The following PLD4 variants were observed in gnomAD, a reference collection of about 807,000 sequenced individuals.
PLD4 encodes the protein 5'-3' exonuclease PLD4.
PLD4 carries 54 observed loss-of-function variants against 52.3 expected under a neutral mutation model. The ratio of observed to expected loss-of-function variants is 1.03; its 90% CI spans 0.83 to 1.30. The LOEUF is 1.30. PLD4 is among the 50% of genes most tolerant of loss of function. PLD4 has a pLI of 0.00. For synonymous variants in PLD4, 264 were observed against 286.5 expected (o/e 0.92, Z 0.79); for missense variants, 731 against 671.1 (o/e 1.09, Z -0.99).
rs779560333 is a variant in PLD4, at chr14:104,932,188, G to A, written c.1224+11G>A. On this transcript the variant is annotated intron_variant, in intron 9 of 10. Coordinates refer to ENST00000392593, the MANE Select transcript of PLD4 (RefSeq NM_138790.5). This position sits in a 1 kb window ranked among gnomAD's most constrained non-coding sequence, Gnocchi z 6.5. The stretch of plus-strand genomic sequence containing the variant: ...GTCTCTGTGGACGTGGTGAGGGCGT[G>A]CTCCCGGCCGGGCGTGGGAAAGGCG... 1 of 1,611,748 alleles carries A rather than the reference G, an allele frequency of 6.2e-7. No homozygotes were observed.
intron 2 of PLD4, 45 bp downstream of exon 2, chr14:104,927,275 C>T: frequency 6.9e-7 from 1 of 1,447,794 alleles, no homozygotes; most frequent in Non-Finnish European, 9.3e-7. Flanking sequence ...GGATCAATGG[C>T]CTTTCAAGAG....
downstream of PLD4, chr14:104,936,908 G>A (rs1897823606): frequency 6.6e-6 from 1 of 152,252 alleles, no homozygotes; most frequent in Non-Finnish European, 1.5e-5. Context: ...CTGTGGTGAA[G>A]GAAGCTTCTG....
chr14:104,932,149 AC>A lies in PLD4; in HGVS notation c.1200del (p.Ala401ArgfsTer8). 6.2e-7 allele frequency: 1 copy of A among 1,611,148 alleles called. No homozygotes were observed. The highest frequency in any genetic ancestry group is 8.5e-7 in the Non-Finnish European group (1 of 1,179,120). On this transcript the variant is annotated frameshift_variant, in exon 9 of 11. Coordinates refer to ENST00000392593, the MANE Select transcript of PLD4 (RefSeq NM_138790.5). LOFTEE classifies it high-confidence loss of function. This position sits in a 1 kb window ranked among gnomAD's most constrained non-coding sequence, Gnocchi z 6.5. ...CTGCGGTCCCTGCAGGCGCTCAGCA[AC>A]CCCGCGGCCAACGTCTCTGTGGACG... ...PYLRSLQALSNPAANVSVDVK... is the reference protein window; with the variant it reads ...PYLRSLQALSXPAANVSVDVK...
Position 104,925,384 on chromosome 14 carries a change from G to T in PLD4, c.-1+394G>T, listed in dbSNP as rs148328925. On this transcript the variant is annotated intron_variant, in intron 1 of 10. Coordinates refer to ENST00000392593, the MANE Select transcript of PLD4 (RefSeq NM_138790.5). ...CCAACCTGGCTGGCGGTCCTCCCAG[G>T]TTCCATTGCAGGAGGAGGTGGTGAG... 2.4e-3 allele frequency among the ~76,000 whole-genome samples: 372 copies of T among 152,332 alleles called. 3 individuals carry two copies. In the Middle Eastern group the frequency reaches 0.037, roughly 15 times the overall value.
Position 104,932,486 on chromosome 14 carries a change from T to G in PLD4, c.1321+131T>G. The stretch of plus-strand genomic sequence containing the variant: ...CTGCTGAAGGGGGACGGGGTCTCCA[T>G]GGAGTTCCGGGGACCAGGCCACCCG... On this transcript the variant is annotated intron_variant, in intron 10 of 10. Transcript: ENST00000392593. The surrounding 1 kb of genome is among the most constrained non-coding windows in gnomAD (Gnocchi z 6.5). The G allele has an allele frequency of 9.2e-7, 1 of 1,088,568 alleles. No individual in the cohort carries two copies. Among genetic ancestry groups the G allele is most frequent in the Non-Finnish European group, 1.3e-6 (1 of 759,352 alleles). The allele number at this position is 1,088,568 out of a possible 1,614,324, so 67.4% of individuals were successfully genotyped here.
chr14:104,928,994 A>C (rs1897551649), intron 4 of PLD4, 62 bp downstream of exon 4: 1 of 1,537,418 alleles, frequency 6.5e-7, no homozygotes, highest in African/African-American at 1.4e-5. Context: ...CAGGCTGCCT[A>C]TCTATGCAGG....
Position 104,932,966 on chromosome 14 carries a change from G to A in PLD4, c.*2G>A, listed in dbSNP as rs758665101. 1.3e-6 allele frequency: 2 copies of A among 1,575,718 alleles called. No individual in the cohort carries two copies. Among genetic ancestry groups the A allele is most frequent in the Non-Finnish European group, 1.7e-6 (2 of 1,163,152 alleles). Reference sequence around the variant, plus strand: ...CAGGACTGCGTTTGGCAGGGCTGAGGGGGGCCTCTTTTTCTCTCGGCGACC... The same window carrying A: ...CAGGACTGCGTTTGGCAGGGCTGAGAGGGGCCTCTTTTTCTCTCGGCGACC... On this transcript the variant is annotated 3_prime_UTR_variant, in exon 11 of 11. Coordinates refer to ENST00000392593, the MANE Select transcript of PLD4 (RefSeq NM_138790.5). This position sits in a 1 kb window ranked among gnomAD's most constrained non-coding sequence, Gnocchi z 6.5.
At position 104,932,619 on chromosome 14, in the gene PLD4, G is replaced by A. The variant is rs537356130; in HGVS notation, c.1322-146G>A. The A allele has an allele frequency of 9.0e-5, 82 of 913,424 alleles. No individual in the cohort carries two copies. The African/African-American group carries it at 1.3e-3, about 15-fold the overall frequency. 56.6% of individuals were successfully genotyped at this position (913,424 alleles called of 1,614,324 possible). A position where few individuals can be genotyped will look rare whatever the true frequency, so the allele number is the denominator to read the frequency against. The stretch of plus-strand genomic sequence containing the variant: ...CCAGCTGTCCCTCCCGCACCTAAGC[G>A]AGGGGCTTCCCCGGCTGGAGTCTGA... On this transcript the variant is annotated intron_variant, in intron 10 of 10. Coordinates refer to ENST00000392593, the MANE Select transcript of PLD4 (RefSeq NM_138790.5). This position sits in a 1 kb window ranked among gnomAD's most constrained non-coding sequence, Gnocchi z 6.5.
At chr14:104,931,709 G>A (rs1400206266) in intron 7 of PLD4, 39 bp from the exon 8 acceptor site, 2 of 1,557,898 alleles carry the variant, frequency 1.3e-6, no homozygotes, top group Non-Finnish European at 1.7e-6. Context: ...AGAATGGGCT[G>A]GGCTGGCAGA....
Position 104,933,013 on chromosome 14 carries a change from C to T in PLD4, c.*49C>T, listed in dbSNP as rs1280433088. 6.7e-7 allele frequency: 1 copy of T among 1,496,162 alleles called. No individual in the cohort carries two copies. The highest frequency in any genetic ancestry group is 1.4e-5 in the African/African-American group (1 of 70,956). 92.7% of individuals were successfully genotyped at this position (1,496,162 alleles called of 1,614,324 possible). On this transcript the variant is annotated 3_prime_UTR_variant, in exon 11 of 11. Coordinates refer to ENST00000392593, the MANE Select transcript of PLD4 (RefSeq NM_138790.5). ...GACCCCGCCCCGCACGCGCCCTCCC[C>T]TCTGACCCCGGCCTGGGCTTCAGCC...
At chr14:104,936,132 C>T (rs554505148), downstream of PLD4, 1 of 152,234 alleles carries the variant, frequency 6.6e-6, no homozygotes, top group Non-Finnish European at 1.5e-5. Context: ...CATGCTGGGA[C>T]AGCTGTCTCT....
At position 104,932,956 on chromosome 14, in the gene PLD4, CA is replaced by C; in HGVS notation, c.1514del (p.Gln505ArgfsTer57). 1 of 1,586,318 alleles carries C rather than the reference CA, an allele frequency of 6.3e-7. No individual in the cohort carries two copies. The highest frequency in any genetic ancestry group is 8.6e-7 in the Non-Finnish European group (1 of 1,168,476). On this transcript the variant is annotated frameshift_variant, in exon 11 of 11. Transcript: ENST00000392593. LOFTEE classifies it high-confidence loss of function. This position sits in a 1 kb window ranked among gnomAD's most constrained non-coding sequence, Gnocchi z 6.5. ...GGCTCCGGGCCAGGACTGCGTTTGG[CA>C]GGGCTGAGGGGGGCCTCTTTTTCTC... ...GQAPGQDCVW[Q>X]G is the part of the protein sequence containing the mutation.
intron 5 of PLD4, among the ~76,000 whole-genome samples, 180 bp downstream of exon 5, chr14:104,929,607 C>G (rs1412372958): frequency 6.6e-6 from 1 of 152,206 alleles, no homozygotes; most frequent in Non-Finnish European, 1.5e-5. Flanking sequence ...CACCTGGGCA[C>G]AGGGCTGGTT....
chr14:104,927,144 C>G lies in PLD4; in HGVS notation c.4C>G (p.Leu2Val), dbSNP rs375252356. The change falls in exon 2 of 11, where the codon CTG becomes GTG. Residue 2 changes from leucine to valine, a missense_variant. By Grantham distance (32) the Leu-to-Val change is conservative. Transcript: ENST00000392593. M[L>V]KPLWKAAVAP... is the part of the protein sequence containing the mutation. Reference sequence around the variant, plus strand: ...GATGCCAGGCTGCCCTGTGCAGATGCTGAAGCCTCTTTGGAAAGCAGCAGT... The same window carrying G: ...GATGCCAGGCTGCCCTGTGCAGATGGTGAAGCCTCTTTGGAAAGCAGCAGT... 6.4e-7 allele frequency: 1 copy of G among 1,555,124 alleles called. No homozygotes were observed. Among genetic ancestry groups the G allele is most frequent in the Non-Finnish European group, 8.7e-7 (1 of 1,149,622 alleles).
Position 104,931,740 on chromosome 14 carries a change from C to CGTCACA in PLD4, c.919-6_919-1dup. On this transcript the variant is annotated splice_polypyrimidine_tract_variant and splice_region_variant and intron_variant, in intron 7 of 10. Transcript: ENST00000392593. ...GCAGAGCCTTCAGGGATTTCTCTCC[C>CGTCACA]GTCACAGGCGTCGCCACCAGCACTC... 1.3e-6 allele frequency: 2 copies of CGTCACA among 1,581,412 alleles called. No individual in the cohort carries two copies. Among genetic ancestry groups the CGTCACA allele is most frequent in the South Asian group, 2.3e-5 (2 of 86,686 alleles).
At chr14:104,935,615 G>A (rs1360277373), downstream of PLD4, 1 of 152,210 alleles carries the variant, frequency 6.6e-6, no homozygotes, top group Admixed American at 6.5e-5. Flanking sequence ...CAGAGGTAAG[G>A]GGATGTCACT....
In PLD4 at chr14:104,932,471, G is replaced by A. The variant is rs1897688860; in HGVS notation, c.1321+116G>A. 19 of 1,189,386 alleles carry A rather than the reference G, an allele frequency of 1.6e-5. No homozygotes were observed. Among genetic ancestry groups the A allele is most frequent in the Non-Finnish European group, 2.3e-5 (19 of 837,958 alleles). The allele number at this position is 1,189,386 out of a possible 1,614,324, so 73.7% of individuals were successfully genotyped here. On this transcript the variant is annotated intron_variant, in intron 10 of 10. Transcript: ENST00000392593. The surrounding 1 kb of genome is among the most constrained non-coding windows in gnomAD (Gnocchi z 6.5). ...AGGAGGGAGGGGCTGCTGCTGAAGG[G>A]GGACGGGGTCTCCATGGAGTTCCGG...
chr14:104,935,056 C>G (rs1173284471), downstream of PLD4: 4 of 152,302 alleles, frequency 2.6e-5, no homozygotes, highest in Non-Finnish European at 4.4e-5. Flanking sequence ...AGTGGCTGCT[C>G]CCTGTGGCTT....
In PLD4 at chr14:104,929,576, T is replaced by C. The variant is rs1177390607; in HGVS notation, c.589+149T>C. On this transcript the variant is annotated intron_variant, in intron 5 of 10. Coordinates refer to ENST00000392593, the MANE Select transcript of PLD4 (RefSeq NM_138790.5). ...CCCAGGAGGGCAGGACCCAGGGCTC[T>C]GAGGTCCTTTGAGTCAGCTTCACCT... 4 of 1,218,054 alleles carry C rather than the reference T, an allele frequency of 3.3e-6. No homozygotes were observed. The African/African-American group carries it at 4.6e-5, about 14-fold the overall frequency. 75.5% of individuals were successfully genotyped at this position (1,218,054 alleles called of 1,614,324 possible).
Sources: gnomAD v4.1 joint callset for allele counts (sites outside exome capture counted in the v4.1 genomes callset) on GRCh38, gnomAD v4.1.1 for gene constraint, Gnocchi (gnomAD v3.1) non-coding constraint, MANE v1.5 for transcripts, NCBI Gene and HGNC (gene_info 2026-07-23, HGNC 2026-07-21) for gene names.